Variants in ADH1A observed in about 807,000 individuals in gnomAD.
ADH1A encodes alcohol dehydrogenase 1A (class I), alpha polypeptide, also known as alcohol dehydrogenase 1A.
In ADH1A, 29 loss-of-function variants were observed where a neutral mutation model predicts 35.2. The ratio of observed to expected loss-of-function variants is 0.82; its 90% CI spans 0.61 to 1.12. ADH1A has a LOEUF of 1.12. Among genes scored for constraint, ADH1A ranks in the 50% most tolerant of loss-of-function variants. The probability of loss-of-function intolerance (pLI) is 0.00; values close to 1 mark genes in which losing one functional copy is unlikely to be tolerated. For synonymous variants in ADH1A, 147 were observed against 164.8 expected (o/e 0.89, Z 0.83); for missense variants, 469 against 464.7 (o/e 1.01, Z -0.09).
At chr4:99,285,033 A>G (rs572228486) in intron 3 of ADH1A, among the ~76,000 whole-genome samples, 3 of 152,338 alleles carry the variant, frequency 2.0e-5, no homozygotes, top group Non-Finnish European at 2.9e-5. Flanking sequence ...AATATGGGAA[A>G]CAACATGGAT....
At chr4:99,284,919 A>G (rs2110608901) in intron 3 of ADH1A, 116 bp from the exon 4 acceptor site, 3 of 918,090 alleles carry the variant, frequency 3.3e-6, no homozygotes, top group South Asian at 1.7e-5. Context: ...AAAGTCTCCA[A>G]GAAATACAGT....
chr4:99,290,868 G>A lies in ADH1A; in HGVS notation c.18+29C>T, dbSNP rs1560520336. The A allele has an allele frequency of 1.9e-6, 3 of 1,601,824 alleles. No homozygotes were observed. In the South Asian group the frequency reaches 3.3e-5, roughly 18 times the overall value. ...TCTTTGTTATATTGATGAGAATATAGTTCCAACAGTAATATATTTTTTGCT... is the reference window on the plus strand; with the variant it reads ...TCTTTGTTATATTGATGAGAATATAATTCCAACAGTAATATATTTTTTGCT... On this transcript the variant is annotated intron_variant, in intron 1 of 8. Transcript: ENST00000209668.
chr4:99,287,599 C>T lies in ADH1A; in HGVS notation c.85G>A (p.Val29Ile). The T allele has an allele frequency of 6.2e-7, 1 of 1,613,808 alleles. No individual in the cohort carries two copies. Among genetic ancestry groups the T allele is most frequent in the Non-Finnish European group, 8.5e-7 (1 of 1,179,870 alleles). Residue 29 changes from valine (V) to isoleucine (I), a missense_variant, in exon 2 of 9, where the codon GTT becomes ATT. By Grantham distance (29) the Val-to-Ile change is conservative. Coordinates refer to ENST00000209668, the MANE Select transcript of ADH1A (RefSeq NM_000667.4). ...KKPFSIEEVE[V>I]APPKAHEVRI... is the part of the protein sequence containing the mutation. ...ACTTCATGGGCCTTAGGAGGTGCAA[C>T]CTCCACCTCCTCAATGGAAAAGGGT...
chr4:99,277,791 C>T (rs908254919), intron 8 of ADH1A, among the ~76,000 whole-genome samples: 9 of 151,948 alleles, frequency 5.9e-5, no homozygotes, highest in Admixed American at 5.2e-4. Context: ...AAATCATTTT[C>T]CTCATGTTGA....
intron 5 of ADH1A, 49 bp from the exon 6 acceptor site, chr4:99,282,655 G>A: frequency 6.3e-7 from 1 of 1,588,548 alleles, no homozygotes; most frequent in Non-Finnish European, 8.6e-7. Context: ...TTTATAAAGT[G>A]CCATGCTTAG....
In ADH1A at chr4:99,284,586, C is replaced by G; in HGVS notation, c.380G>C (p.Gly127Ala). The change falls in exon 5 of 9, where the codon GGC (glycine) becomes GCC (alanine). Residue 127 changes from glycine to alanine, a missense_variant. Gly to Ala is a moderately conservative substitution (Grantham distance 60). Transcript: ENST00000209668. ...VSNPQGTLQDGTSRFTCRRKP... is the reference protein window; with the variant it reads ...VSNPQGTLQDATSRFTCRRKP... ...CCTCCTGCAGGTGAACCTGCTGGTG[C>G]CATCCTGCAGGGTCCCCTGAGGATT... The G allele has an allele frequency of 6.2e-7, 1 of 1,614,166 alleles. No homozygotes were observed. Among genetic ancestry groups the G allele is most frequent in the Non-Finnish European group, 8.5e-7 (1 of 1,180,020 alleles).
chr4:99,279,203 A>G (rs1016348053), intron 8 of ADH1A, among the ~76,000 whole-genome samples: 1 of 152,062 alleles, frequency 6.6e-6, no homozygotes, highest in African/African-American at 2.4e-5. Context: ...TGCTGTAATC[A>G]ACATAATTTG....
At chr4:99,277,172 A>G (rs560771532) in intron 8 of ADH1A, among the ~76,000 whole-genome samples, 2 of 152,188 alleles carry the variant, frequency 1.3e-5, no homozygotes, top group Admixed American at 6.6e-5. Flanking sequence ...CTCAAATACA[A>G]ATTTGCACAA....
At chr4:99,281,038 AT>A (rs946058905) in intron 6 of ADH1A, 5 of 152,184 alleles carry the variant, frequency 3.3e-5, no homozygotes, top group African/African-American at 1.2e-4. Context: ...GCTGTCAGAT[AT>A]TTGGTATCTT....
intron 3 of ADH1A, 176 bp downstream of exon 3, chr4:99,286,674 A>T: frequency 9.4e-7 from 1 of 1,066,736 alleles, no homozygotes; most frequent in Non-Finnish European, 1.4e-6. Context: ...ATGCGTGCCT[A>T]AAGACATACA....
In ADH1A at chr4:99,284,529, G is replaced by C; in HGVS notation, c.437C>G (p.Thr146Ser). 6.2e-7 allele frequency: 1 copy of C among 1,614,236 alleles called. No homozygotes were observed. The highest frequency in any genetic ancestry group is 8.5e-7 in the Non-Finnish European group (1 of 1,180,044). ...KPIHHFLGISTFSQYTVVDEN... is the reference protein window; with the variant it reads ...KPIHHFLGISSFSQYTVVDEN... ...ATCCACCACTGTGTACTGTGAGAAG[G>C]TGCTGATGCCAAGGAAGTGGTGGAT... The change falls in exon 5 of 9, where the codon ACC (threonine) becomes AGC (serine). Residue 146 changes from threonine (T) to serine (S), a missense_variant. Coordinates refer to ENST00000209668, the MANE Select transcript of ADH1A (RefSeq NM_000667.4).
chr4:99,285,661 G>A (rs1560518650), intron 3 of ADH1A, among the ~76,000 whole-genome samples: 1 of 152,050 alleles, frequency 6.6e-6, no homozygotes, highest in Non-Finnish European at 1.5e-5. Context: ...AGTAGGAGCT[G>A]AAACCCAAAT....
In ADH1A at chr4:99,277,769, T is replaced by C. The variant is rs983875903; in HGVS notation, c.1104-1121A>G. ...GGCTTCATTCATTTCTAATAGATGA[T>C]TGGAATTTATTAAATCATTTTCCTC... is the stretch of plus-strand genomic sequence containing the variant. On this transcript the variant is annotated intron_variant, in intron 8 of 8. Transcript: ENST00000209668. 2.6e-5 allele frequency among the ~76,000 whole-genome samples: 4 copies of C among 152,270 alleles called. No homozygotes were observed. In the East Asian group the frequency reaches 5.8e-4, roughly 22 times the overall value.
At chr4:99,284,131 A>G (rs972988637) in intron 5 of ADH1A, among the ~76,000 whole-genome samples, 1 of 152,186 alleles carries the variant, frequency 6.6e-6, no homozygotes, top group Non-Finnish European at 1.5e-5. Context: ...CTCAGGCCTA[A>G]TATTTCATGA....
In ADH1A at chr4:99,284,568, C is replaced by T; in HGVS notation, c.398G>A (p.Cys133Tyr). ...TLQDGTSRFT[C>Y]RRKPIHHFLG... ...GAAGTGGTGGATGGGCTTCCTCCTG[C>T]AGGTGAACCTGCTGGTGCCATCCTG... is the stretch of plus-strand genomic sequence containing the variant. Residue 133 changes from cysteine to tyrosine, a missense_variant, in exon 5 of 9, where the codon TGC (cysteine) becomes TAC (tyrosine). Transcript: ENST00000209668. 11 of 1,614,218 alleles carry T rather than the reference C, an allele frequency of 6.8e-6. No homozygotes were observed. The highest frequency in any genetic ancestry group is 9.3e-6 in the Non-Finnish European group (11 of 1,180,038).
intron 8 of ADH1A, chr4:99,278,478 G>C (rs1732919489): frequency 6.6e-6 from 1 of 152,092 alleles, no homozygotes; most frequent in Admixed American, 6.6e-5. Flanking sequence ...CTGACACCGA[G>C]CATTGCCTGG....
rs765936803 is a variant in ADH1A at position 99,276,632 on chromosome 4, T to G, written c.1120A>C (p.Met374Leu). Residue 374 changes from methionine (M) to leucine (L), a missense_variant, in exon 9 of 9, where the codon ATG (methionine) becomes CTG (leucine). Met to Leu is a conservative substitution (Grantham distance 15). Transcript: ENST00000209668. ...HSGKSIRTIL[M>L]F ...AAAACATCTGTATTGTCTCAAAACATCAGAATGGTACGGATACTGCAATAG... is the reference window on the plus strand; with the variant it reads ...AAAACATCTGTATTGTCTCAAAACAGCAGAATGGTACGGATACTGCAATAG... The G allele has an allele frequency of 6.2e-7, 1 of 1,612,524 alleles. No individual in the cohort carries two copies. Among genetic ancestry groups the G allele is most frequent in the South Asian group, 1.1e-5 (1 of 91,042 alleles).
intron 1 of ADH1A, among the ~76,000 whole-genome samples, chr4:99,288,382 G>A (rs1168733998): frequency 6.6e-6 from 1 of 151,798 alleles, no homozygotes; most frequent in Non-Finnish European, 1.5e-5. Context: ...TATACACTCA[G>A]ACCTACACAT....
At chr4:99,287,779 G>C in intron 1 of ADH1A, 114 bp from the exon 2 acceptor site, 1 of 1,133,804 alleles carries the variant, frequency 8.8e-7, no homozygotes. Context: ...TACCTAACAA[G>C]TGCTCTATAG....
Sources: gnomAD v4.1 joint callset for allele counts (sites outside exome capture counted in the v4.1 genomes callset) on GRCh38, gnomAD v4.1.1 for gene constraint, MANE v1.5 for transcripts, NCBI Gene and HGNC (gene_info 2026-07-23, HGNC 2026-07-21) for gene names.